HS3ST3B1: variants seen among roughly 807,000 people sequenced by gnomAD.
The protein encoded by HS3ST3B1 is heparan sulfate glucosamine 3-O-sulfotransferase 3B1.
A neutral mutation model predicts 21.3 loss-of-function variants in HS3ST3B1; 13 were observed. The observed-to-expected ratio is 0.61, with a 90% CI of 0.40 to 0.97. The LOEUF is 0.97. HS3ST3B1 is among the 50% of genes least tolerant of loss of function. The pLI, the probability that HS3ST3B1 is intolerant of heterozygous loss-of-function variation, is 0.00. For synonymous variants in HS3ST3B1, 234 were observed against 254.8 expected (o/e 0.92, Z 0.78); for missense variants, 459 against 554.8 (o/e 0.83, Z 1.73).
At chr17:14,314,914 G>A (rs1909450182) in intron 1 of HS3ST3B1, among the ~76,000 whole-genome samples, 1 of 152,184 alleles carries the variant, frequency 6.6e-6, no homozygotes, top group South Asian at 2.1e-4. Context: ...GAGTTGGGCA[G>A]GAGCTTTTAT....
At chr17:14,324,251 C>G (rs944244524) in intron 1 of HS3ST3B1, among the ~76,000 whole-genome samples, 2 of 152,172 alleles carry the variant, frequency 1.3e-5, no homozygotes, top group Admixed American at 6.5e-5. Context: ...ACCCTCAAAA[C>G]TTCCTGGGTT....
chr17:14,306,280 G>A (rs982844897), intron 1 of HS3ST3B1, among the ~76,000 whole-genome samples: 1 of 152,196 alleles, frequency 6.6e-6, no homozygotes, highest in Non-Finnish European at 1.5e-5. Context: ...TTAGAATCAA[G>A]GGAGTCACTG....
chr17:14,337,252 C>T, intron 1 of HS3ST3B1, among the ~76,000 whole-genome samples: 1 of 151,776 alleles, frequency 6.6e-6, no homozygotes, highest in Non-Finnish European at 1.5e-5. Context: ...TACTGGTAGC[C>T]TGATTCATAT....
Position 14,312,765 on chromosome 17 carries a change from G to A in HS3ST3B1, c.554+10693G>A, listed in dbSNP as rs1009434257. Among the ~76,000 whole-genome samples the A allele has an allele frequency of 2.6e-5, 4 of 151,862 alleles. No homozygotes were observed. The South Asian group carries it at 6.2e-4, about 24-fold the overall frequency. On this transcript the variant is annotated intron_variant, in intron 1 of 1. Transcript: ENST00000360954. ...ACACCACTCAGGGTCTCAGCTCTTG[G>A]GATCACATTGACACACCCCCACATT...
At position 14,349,084 on chromosome 17, in the gene HS3ST3B1, A is replaced by T. The variant is rs556961902; in HGVS notation, c.*3438A>T. On this transcript the variant is annotated 3_prime_UTR_variant, in exon 2 of 2. Transcript: ENST00000360954. ...TACGTATCTAAGATGCTGACACAGA[A>T]GCTAATGTGACTTTTCAGCTTATCA... 29 of 152,326 alleles carry T rather than the reference A, an allele frequency of 1.9e-4. No homozygotes were observed. The East Asian group carries it at 5.2e-3, about 27-fold the overall frequency. The allele number at this position is 152,326 out of a possible 1,614,324, so 9.4% of individuals were successfully genotyped here. A position where few individuals can be genotyped will look rare whatever the true frequency, so the allele number is the denominator to read the frequency against.
At chr17:14,309,238 G>A (rs551145529) in intron 1 of HS3ST3B1, among the ~76,000 whole-genome samples, 4 of 152,218 alleles carry the variant, frequency 2.6e-5, no homozygotes, top group Admixed American at 1.3e-4. Flanking sequence ...GGTGTCGCGC[G>A]GGATCGCCGC....
chr17:14,305,761 A>T (rs1310700802), intron 1 of HS3ST3B1, among the ~76,000 whole-genome samples: 1 of 152,124 alleles, frequency 6.6e-6, no homozygotes. Context: ...GTGTGTGTGT[A>T]TGTGGCATAA....
chr17:14,337,910 T>C (rs141218044), intron 1 of HS3ST3B1, among the ~76,000 whole-genome samples: 1 of 151,736 alleles, frequency 6.6e-6, no homozygotes, highest in African/African-American at 2.4e-5. Context: ...AATACATGAC[T>C]AGATTATGAC....
At chr17:14,324,251 C>T (rs944244524) in intron 1 of HS3ST3B1, among the ~76,000 whole-genome samples, 2 of 152,172 alleles carry the variant, frequency 1.3e-5, no homozygotes, top group South Asian at 4.1e-4. Flanking sequence ...ACCCTCAAAA[C>T]TTCCTGGGTT....
At chr17:14,311,606 G>A (rs1909307079) in intron 1 of HS3ST3B1, among the ~76,000 whole-genome samples, 1 of 152,162 alleles carries the variant, frequency 6.6e-6, no homozygotes, top group Non-Finnish European at 1.5e-5. Context: ...TTTAGGGTTG[G>A]ACAAACGGGT....
chr17:14,312,430 A>G (rs1476980170), intron 1 of HS3ST3B1, among the ~76,000 whole-genome samples: 2 of 152,124 alleles, frequency 1.3e-5, no homozygotes, highest in Admixed American at 6.5e-5. Flanking sequence ...TTCCTCCCAA[A>G]GATGTAGACT....
Position 14,301,777 on chromosome 17 carries a change from A to G in HS3ST3B1, c.259A>G (p.Arg87Gly), listed in dbSNP as rs1177609524. 3.8e-6 allele frequency: 6 copies of G among 1,566,232 alleles called. No individual in the cohort carries two copies. Among genetic ancestry groups the G allele is most frequent in the Non-Finnish European group, 5.2e-6 (6 of 1,156,408 alleles). The change falls in exon 1 of 2, where the codon AGG (arginine) becomes GGG (glycine). Residue 87 changes from arginine to glycine, a missense_variant. Arg to Gly is a moderately radical substitution (Grantham distance 125). Around this residue, in one of 3 missense-constraint regions of HS3ST3B1, gnomAD observed 317 missense variants for 278.6 expected, o/e 1.14. Coordinates refer to ENST00000360954, the MANE Select transcript of HS3ST3B1 (RefSeq NM_006041.3). ...LATAPDGTPP[R>G]LPFRAPPATP... ...CACAGCTCCGGACGGGACGCCCCCCAGGCTGCCGTTCCGGGCGCCGCCAGC... is the reference window on the plus strand; with the variant it reads ...CACAGCTCCGGACGGGACGCCCCCCGGGCTGCCGTTCCGGGCGCCGCCAGC...
chr17:14,302,062 G>T lies in HS3ST3B1; in HGVS notation c.544G>T (p.Ala182Ser). 2 of 1,600,390 alleles carry T rather than the reference G, an allele frequency of 1.2e-6. No homozygotes were observed. The highest frequency in any genetic ancestry group is 1.7e-6 in the Non-Finnish European group (2 of 1,177,712). Residue 182 changes from alanine (A) to serine (S), a missense_variant, in exon 1 of 2, where the codon GCT becomes TCT. Around this residue, in one of 3 missense-constraint regions of HS3ST3B1, gnomAD observed 317 missense variants for 278.6 expected, o/e 1.14. Transcript: ENST00000360954. ...CGATCGCAGCTACGACAAGGGCCTC[G>T]CTTGGTACCGGTGAGTTTCCCTGCC... is the stretch of plus-strand genomic sequence containing the variant. ...FFDRSYDKGL[A>S]WYRDLMPRTL...
chr17:14,319,794 C>G (rs905964332), intron 1 of HS3ST3B1, among the ~76,000 whole-genome samples: 1 of 151,414 alleles, frequency 6.6e-6, no homozygotes, highest in African/African-American at 2.4e-5. Flanking sequence ...TTTTTTATTT[C>G]AATAGTTTTT....
chr17:14,313,117 T>TATAC (rs1909377696), intron 1 of HS3ST3B1, among the ~76,000 whole-genome samples: 35 of 95,502 alleles, frequency 3.7e-4, no homozygotes, highest in African/African-American at 1.1e-3. Context: ...TGTATATATA[T>TATAC]ATATATGTGT....
chr17:14,324,482 C>G (rs1909747908), intron 1 of HS3ST3B1, among the ~76,000 whole-genome samples: 1 of 152,080 alleles, frequency 6.6e-6, no homozygotes, highest in African/African-American at 2.4e-5. Context: ...AACTCCTGGC[C>G]CCAAGTAATC....
At position 14,346,190 on chromosome 17, in the gene HS3ST3B1, C is replaced by G. The variant is rs1477951798; in HGVS notation, c.*544C>G. The G allele has an allele frequency of 1.3e-5, 2 of 152,892 alleles. No homozygotes were observed. The highest frequency in any genetic ancestry group is 2.9e-5 in the Non-Finnish European group (2 of 68,958). The allele number at this position is 152,892 out of a possible 1,614,324, so 9.5% of individuals were successfully genotyped here. A position where few individuals can be genotyped will look rare whatever the true frequency, so the allele number is the denominator to read the frequency against. ...CTAGGGTTCTGTCCCTCCCTCCATT[C>G]AGCACATGGGGAAATTTCTCACTCC... On this transcript the variant is annotated 3_prime_UTR_variant, in exon 2 of 2. Transcript: ENST00000360954.
In HS3ST3B1 at chr17:14,302,088, A is replaced by G. The variant is rs1211280247; in HGVS notation, c.554+16A>G. 2 of 1,583,084 alleles carry G rather than the reference A, an allele frequency of 1.3e-6. No individual in the cohort carries two copies. Among genetic ancestry groups the G allele is most frequent in the South Asian group, 1.1e-5 (1 of 88,542 alleles). ...CTTGGTACCGGTGAGTTTCCCTGCC[A>G]GGGGCAGGGTCTCCATCGTCGATTC... On this transcript the variant is annotated intron_variant, in intron 1 of 1. Coordinates refer to ENST00000360954, the MANE Select transcript of HS3ST3B1 (RefSeq NM_006041.3).
intron 1 of HS3ST3B1, among the ~76,000 whole-genome samples, chr17:14,320,723 C>T (rs900878193): frequency 2.6e-5 from 4 of 152,158 alleles, no homozygotes; most frequent in Admixed American, 6.5e-5. Context: ...AATCTGGTTG[C>T]CTTTTGCCTG....
Sources: gnomAD v4.1 joint callset for allele counts (sites outside exome capture counted in the v4.1 genomes callset) on GRCh38, gnomAD v4.1.1 for gene constraint, gnomAD v4.1.1 regional missense constraint, MANE v1.5 for transcripts, NCBI Gene and HGNC (gene_info 2026-07-23, HGNC 2026-07-21) for gene names.